Variants in RTTN observed in about 807,000 individuals in gnomAD.
The protein encoded by RTTN is rotatin.
In RTTN, 182 loss-of-function variants were observed where a neutral mutation model predicts 269.2. That is an observed-to-expected ratio of 0.68 (90% CI 0.60 to 0.76). The LOEUF (loss-of-function observed/expected upper bound fraction) is 0.76. RTTN is among the 30% of genes least tolerant of loss of function. The pLI, the probability that RTTN is intolerant of heterozygous loss-of-function variation, is 0.00. For missense variants in RTTN, 2,545 were observed against 2,608.6 expected, an observed-to-expected ratio of 0.98 and a Z score of 0.53; for synonymous variants, 1,006 against 963.5, an observed-to-expected ratio of 1.04 and a Z score of -0.82.
intron 46 of RTTN, among the ~76,000 whole-genome samples, chr18:70,014,759 T>C (rs1384046405): frequency 1.3e-5 from 2 of 152,200 alleles, no homozygotes; most frequent in Non-Finnish European, 2.9e-5. Flanking sequence ...AATGGTTCTT[T>C]GGAGGTCCAG....
At chr18:70,104,175 CTTTG>C (rs772772075) in intron 28 of RTTN, among the ~76,000 whole-genome samples, 34 of 152,274 alleles carry the variant, frequency 2.2e-4, no homozygotes, top group African/African-American at 4.6e-4. Flanking sequence ...TTCTTGGAGG[CTTTG>C]TTTGTTTCTT....
At chr18:70,189,092 T>C (rs1425015021) in intron 9 of RTTN, among the ~76,000 whole-genome samples, 1 of 152,232 alleles carries the variant, frequency 6.6e-6, no homozygotes, top group Non-Finnish European at 1.5e-5. Context: ...TCTGACTTTT[T>C]AAAGCAAATT....
chr18:70,081,235 G>T lies in RTTN; in HGVS notation c.4374+5378C>A, dbSNP rs115813722. Among the ~76,000 whole-genome samples the T allele has an allele frequency of 5.4e-3, 817 of 152,176 alleles. 4 individuals carry two copies. The highest frequency in any genetic ancestry group is 0.02 in the Middle Eastern group (6 of 294). Reference sequence around the variant, plus strand: ...ACTGTGTGCAGTGTATACTGCTGAGGTGATGGGTACACCAAAATCTCACAA... The same window carrying T: ...ACTGTGTGCAGTGTATACTGCTGAGTTGATGGGTACACCAAAATCTCACAA... On this transcript the variant is annotated intron_variant, in intron 32 of 48. Transcript: ENST00000640769.
chr18:70,184,183 C>G (rs1203654350), intron 10 of RTTN, among the ~76,000 whole-genome samples: 1 of 152,218 alleles, frequency 6.6e-6, no homozygotes, highest in South Asian at 2.1e-4. Context: ...AGCCAGTGGA[C>G]AAGACCCAAA....
chr18:70,073,234 T>C (rs1457527268), intron 34 of RTTN, among the ~76,000 whole-genome samples: 2 of 152,120 alleles, frequency 1.3e-5, no homozygotes, highest in Non-Finnish European at 1.5e-5. Flanking sequence ...TGAAACCTAG[T>C]ATCAATCATT....
chr18:70,028,765 G>C lies in RTTN; in HGVS notation c.5782C>G (p.Gln1928Glu). The C allele has an allele frequency of 6.2e-7, 1 of 1,611,736 alleles. No homozygotes were observed. The highest frequency in any genetic ancestry group is 8.5e-7 in the Non-Finnish European group (1 of 1,178,638). Residue 1928 changes from glutamine to glutamate, a missense_variant, in exon 43 of 49, where the codon CAG becomes GAG. By Grantham distance (29) the Gln-to-Glu change is conservative (BLOSUM62 2). Coordinates refer to ENST00000640769, the MANE Select transcript of RTTN (RefSeq NM_173630.4). ...TGATAAAGACAGTTTCTTAGGAGCTGCATGGCAATGCTTAACTCTTTAATA... is the reference window on the plus strand; with the variant it reads ...TGATAAAGACAGTTTCTTAGGAGCTCCATGGCAATGCTTAACTCTTTAATA... The part of the protein sequence containing the change: ...GVIKELSIAM[Q>E]LLRNCLYQNE...
chr18:70,105,161 C>T (rs1032166890), intron 28 of RTTN, among the ~76,000 whole-genome samples: 4 of 152,148 alleles, frequency 2.6e-5, no homozygotes, highest in South Asian at 2.1e-4. Context: ...TCGAGCTTCC[C>T]GGCCGCTTTG....
rs111933421 is a variant in RTTN, at chr18:70,095,998, GT to G, written c.3904-3195del. ...TTGGAGGCTTTGCTCATTCCCTTTT[GT>G]TTTTTTTTTTTCTCTAATCTTGTCT... On this transcript the variant is annotated intron_variant, in intron 28 of 48. Transcript: ENST00000640769. Among the ~76,000 whole-genome samples, 1,141 of 138,072 alleles carry G rather than the reference GT, an allele frequency of 8.3e-3. 16 individuals carry two copies. The highest frequency in any genetic ancestry group is 0.028 in the African/African-American group (1,049 of 38,098). 90.6% of individuals were successfully genotyped at this position (138,072 alleles called of 152,430 possible).
chr18:70,189,278 A>G (rs966327080), intron 9 of RTTN, among the ~76,000 whole-genome samples: 1 of 152,226 alleles, frequency 6.6e-6, no homozygotes, highest in Non-Finnish European at 1.5e-5. Flanking sequence ...AGTAAAAAGT[A>G]TGAGTACACA....
At chr18:70,182,631 T>C (rs894655090) in intron 10 of RTTN, among the ~76,000 whole-genome samples, 9 of 152,324 alleles carry the variant, frequency 5.9e-5, no homozygotes, top group East Asian at 3.9e-4. Context: ...AAATGAAAGA[T>C]ATTAAATGAC....
chr18:70,066,184 G>A (rs1243567406), intron 34 of RTTN, among the ~76,000 whole-genome samples: 2 of 152,044 alleles, frequency 1.3e-5, no homozygotes, highest in Non-Finnish European at 2.9e-5. Flanking sequence ...AGGAGTTTAA[G>A]GTTCCCATAA....
chr18:70,159,709 C>T (rs1001641874), intron 14 of RTTN, among the ~76,000 whole-genome samples: 2 of 151,918 alleles, frequency 1.3e-5, no homozygotes, highest in African/African-American at 2.4e-5. Flanking sequence ...AAAAAAGAGA[C>T]AATCCAAATA....
intron 35 of RTTN, among the ~76,000 whole-genome samples, chr18:70,062,708 C>T (rs1316054320): frequency 6.6e-6 from 1 of 150,636 alleles, no homozygotes; most frequent in Non-Finnish European, 1.5e-5. Flanking sequence ...AAAGCCTGGG[C>T]TCAAGTGCTC....
intron 26 of RTTN, 58 bp from the exon 27 acceptor site, chr18:70,114,657 A>T (rs2059559090): frequency 1.3e-6 from 2 of 1,523,240 alleles, no homozygotes; most frequent in Non-Finnish European, 1.8e-6. Flanking sequence ...ATTGTTTCCT[A>T]TAAAGGGTTT....
chr18:70,154,162 C>T (rs576829201), intron 14 of RTTN, among the ~76,000 whole-genome samples: 2 of 152,032 alleles, frequency 1.3e-5, no homozygotes, highest in South Asian at 2.1e-4. Context: ...AAATTCAGTG[C>T]ATTTTTTTTA....
intron 40 of RTTN, among the ~76,000 whole-genome samples, chr18:70,045,109 A>G (rs1040972417): frequency 2.0e-5 from 3 of 152,236 alleles, no homozygotes; most frequent in Admixed American, 2.0e-4. Flanking sequence ...TGGACTTAGA[A>G]AAAAACACTT....
chr18:70,032,870 G>C (rs2057058328), intron 40 of RTTN, among the ~76,000 whole-genome samples: 1 of 152,154 alleles, frequency 6.6e-6, no homozygotes, highest in African/African-American at 2.4e-5. Flanking sequence ...ATACAACAGA[G>C]TATACATTCT....
At chr18:70,165,180 T>C (rs2060952006) in intron 14 of RTTN, among the ~76,000 whole-genome samples, 1 of 152,136 alleles carries the variant, frequency 6.6e-6, no homozygotes, top group South Asian at 2.1e-4. Context: ...TATTTATCAT[T>C]CAATAAAAGG....
intron 34 of RTTN, among the ~76,000 whole-genome samples, chr18:70,072,772 CCTT>C (rs1310969608): frequency 2.0e-5 from 3 of 152,210 alleles, no homozygotes; most frequent in South Asian, 4.1e-4. Context: ...TTCATGCTGT[CCTT>C]CTGTGAACTA....
Sources: allele counts gnomAD v4.1 joint callset (sites outside exome capture counted in the v4.1 genomes callset), GRCh38; gene constraint gnomAD v4.1.1; transcripts MANE v1.5; gene names NCBI Gene and HGNC (gene_info 2026-07-23, HGNC 2026-07-21).